NFE2L2: variants seen among roughly 807,000 people sequenced by gnomAD.
NFE2L2 encodes NFE2 like bZIP transcription factor 2.
NFE2L2 carries 20 observed loss-of-function variants against 49.6 expected under a neutral mutation model. That is an observed-to-expected ratio of 0.40 (90% CI 0.28 to 0.59). The LOEUF (loss-of-function observed/expected upper bound fraction) is 0.59, where lower values mean the gene tolerates loss of function less well. Ranked by LOEUF, NFE2L2 falls within the 20% of genes least tolerant of loss-of-function variation. NFE2L2 has a pLI of 0.40. For synonymous variants in NFE2L2, 244 were observed against 256.5 expected, an observed-to-expected ratio of 0.95 and a Z score of 0.47; for missense variants, 578 against 714.2, an observed-to-expected ratio of 0.81 and a Z score of 2.17.
At chr2:177,241,267 T>TG (rs1689929638) in intron 1 of NFE2L2, among the ~76,000 whole-genome samples, 1 of 152,234 alleles carries the variant, frequency 6.6e-6, no homozygotes, top group Non-Finnish European at 1.5e-5. Context: ...TTAATGTTAT[T>TG]CCCCTGAGAT....
intron 3 of NFE2L2, chr2:177,232,912 G>A (rs942368849): frequency 1.1e-5 from 5 of 469,752 alleles, no homozygotes; most frequent in African/African-American, 6.0e-5. Context: ...ACAAGTCTTC[G>A]TTTATTGCCC....
chr2:177,230,750 A>C lies in NFE2L2; in HGVS notation c.*35T>G, dbSNP rs201824058. On this transcript the variant is annotated 3_prime_UTR_variant, in exon 5 of 5. Coordinates refer to ENST00000397062, the MANE Select transcript of NFE2L2 (RefSeq NM_006164.5). ...GGAGCTTTTAGTATAATAGTACAAA[A>C]AAACTAGCTCAGAAAAGGTCAAATC... 3.7e-4 allele frequency: 572 copies of C among 1,536,164 alleles called. 6 individuals carry two copies. The South Asian group carries it at 7.1e-3, about 19-fold the overall frequency.
intron 1 of NFE2L2, among the ~76,000 whole-genome samples, chr2:177,237,792 T>C (rs1279666255): frequency 6.6e-6 from 1 of 152,230 alleles, no homozygotes; most frequent in Non-Finnish European, 1.5e-5. Flanking sequence ...GTGCTGGGAT[T>C]ACAGGTGTGA....
chr2:177,244,258 C>T (rs1201402936), intron 1 of NFE2L2, among the ~76,000 whole-genome samples: 7 of 151,008 alleles, frequency 4.6e-5, no homozygotes, highest in African/African-American at 9.8e-5. Flanking sequence ...GCCAAGATCG[C>T]GCCATTGCAC....
At chr2:177,237,301 G>A (rs1471865386) in intron 1 of NFE2L2, among the ~76,000 whole-genome samples, 1 of 152,212 alleles carries the variant, frequency 6.6e-6, no homozygotes, top group Non-Finnish European at 1.5e-5. Context: ...GATTAAGTCT[G>A]TAGGTCACCT....
intron 1 of NFE2L2, among the ~76,000 whole-genome samples, chr2:177,256,753 A>G (rs888775252): frequency 6.6e-6 from 1 of 152,148 alleles, no homozygotes; most frequent in African/African-American, 2.4e-5. Flanking sequence ...CCCCCCCAAC[A>G]CAAAGGGGCA....
chr2:177,232,320 T>C (rs1010100527), intron 4 of NFE2L2, 72 bp downstream of exon 4: 10 of 1,369,834 alleles, frequency 7.3e-6, no homozygotes, highest in African/African-American at 1.5e-5. Context: ...ATAGGTGGTA[T>C]ATAAATAATC....
chr2:177,251,547 C>CT (rs1427372918), intron 1 of NFE2L2, among the ~76,000 whole-genome samples: 4 of 152,178 alleles, frequency 2.6e-5, no homozygotes, highest in African/African-American at 9.7e-5. Context: ...TGTGGGGCCT[C>CT]TGCCATTCTA....
In NFE2L2 at chr2:177,231,869, T is replaced by C. The variant is rs767964519; in HGVS notation, c.734A>G (p.His245Arg). Reference sequence around the variant, plus strand: ...GGAATCCTCAAAAGCATTAAGAAAATGTGGACTACAGTTACCTACTTCTTT... The same window carrying C: ...GGAATCCTCAAAAGCATTAAGAAAACGTGGACTACAGTTACCTACTTCTTT... Reference protein sequence around the residue: ...MEKEVGNCSPHFLNAFEDSFS... With the variant: ...MEKEVGNCSPRFLNAFEDSFS... Residue 245 changes from histidine (H) to arginine (R), a missense_variant, in exon 5 of 5, where the codon CAT (histidine) becomes CGT (arginine). Transcript: ENST00000397062. 1 of 1,614,138 alleles carries C rather than the reference T, an allele frequency of 6.2e-7. No individual in the cohort carries two copies. The highest frequency in any genetic ancestry group is 1.1e-5 in the South Asian group (1 of 91,078).
At chr2:177,234,419 C>T in intron 1 of NFE2L2, 148 bp from the exon 2 acceptor site, 2 of 944,098 alleles carry the variant, frequency 2.1e-6, no homozygotes, top group Non-Finnish European at 3.1e-6. Flanking sequence ...ATCCAATGTT[C>T]TAGAAGAGCA....
intron 1 of NFE2L2, among the ~76,000 whole-genome samples, chr2:177,253,658 G>C (rs1403898800): frequency 6.6e-6 from 1 of 152,120 alleles, no homozygotes; most frequent in Non-Finnish European, 1.5e-5. Flanking sequence ...AAGTAACAAA[G>C]ATACCATGTT....
intron 1 of NFE2L2, among the ~76,000 whole-genome samples, chr2:177,242,730 A>C (rs1689981713): frequency 6.6e-6 from 1 of 152,242 alleles, no homozygotes. Flanking sequence ...GAAAGTGAAG[A>C]AAGCAAGAAT....
At chr2:177,234,772 A>C (rs943312531) in intron 1 of NFE2L2, among the ~76,000 whole-genome samples, 23 of 152,136 alleles carry the variant, frequency 1.5e-4, no homozygotes, top group African/African-American at 5.6e-4. Flanking sequence ...GTGAAATATC[A>C]CCATTCTTTC....
At chr2:177,244,788 C>T (rs530030701) in intron 1 of NFE2L2, among the ~76,000 whole-genome samples, 2 of 152,066 alleles carry the variant, frequency 1.3e-5, no homozygotes, top group African/African-American at 2.4e-5. Flanking sequence ...GGGCGGATCA[C>T]GAGGTCAGGA....
Position 177,241,998 on chromosome 2 carries a change from G to A in NFE2L2, c.46-7727C>T, listed in dbSNP as rs145683450. Among the ~76,000 whole-genome samples the A allele has an allele frequency of 3.0e-3, 456 of 152,312 alleles. 1 individual carries two copies. Among genetic ancestry groups the A allele is most frequent in the African/African-American group, 9.8e-3 (409 of 41,562 alleles). On this transcript the variant is annotated intron_variant, in intron 1 of 4. Coordinates refer to ENST00000397062, the MANE Select transcript of NFE2L2 (RefSeq NM_006164.5). Reference sequence around the variant, plus strand: ...ATGACTAATTACATTTCATAGATATGTATCTGCCTATTTACTTCTCTGGCT... The same window carrying A: ...ATGACTAATTACATTTCATAGATATATATCTGCCTATTTACTTCTCTGGCT...
At chr2:177,258,454 A>G (rs1186735073) in intron 1 of NFE2L2, among the ~76,000 whole-genome samples, 1 of 152,156 alleles carries the variant, frequency 6.6e-6, no homozygotes, top group Non-Finnish European at 1.5e-5. Flanking sequence ...TTGAGGGGAA[A>G]TGGGAAGTGA....
intron 1 of NFE2L2, among the ~76,000 whole-genome samples, chr2:177,240,268 C>A (rs183460473): frequency 1.4e-4 from 22 of 152,252 alleles, no homozygotes; most frequent in African/African-American, 4.1e-4. Context: ...AGTGCAAGTC[C>A]CCCATGGAGG....
intron 1 of NFE2L2, among the ~76,000 whole-genome samples, chr2:177,253,670 TATATC>T (rs1690419271): frequency 6.6e-6 from 1 of 152,228 alleles, no homozygotes; most frequent in Non-Finnish European, 1.5e-5. Context: ...TACCATGTTT[TATATC>T]ATATATGTCC....
intron 1 of NFE2L2, among the ~76,000 whole-genome samples, chr2:177,250,815 G>A (rs533860012): frequency 6.6e-6 from 1 of 152,262 alleles, no homozygotes; most frequent in East Asian, 1.9e-4. Context: ...TAGCTGCGTG[G>A]GTAACTGTGG....
Sources: allele counts gnomAD v4.1 joint callset (sites outside exome capture counted in the v4.1 genomes callset), GRCh38; gene constraint gnomAD v4.1.1; transcripts MANE v1.5; gene names NCBI Gene and HGNC (gene_info 2026-07-23, HGNC 2026-07-21).